Variants in TCF7L2 observed in about 807,000 individuals in gnomAD.
The protein encoded by TCF7L2 is transcription factor 7-like 2.
In TCF7L2, 23 loss-of-function variants were observed where a neutral mutation model predicts 77.9. The ratio of observed to expected loss-of-function variants is 0.30; its 90% confidence interval spans 0.21 to 0.42. The LOEUF is 0.42. Among genes scored for constraint, TCF7L2 ranks in the 10% least tolerant of loss-of-function variants. TCF7L2 has a pLI of 1.00. For synonymous variants in TCF7L2, 413 were observed against 340.2 expected (o/e 1.21, Z -2.36); for missense variants, 654 against 793.1 (o/e 0.82, Z 2.11).
At chr10:112,997,689 A>G (rs2043732853) in intron 4 of TCF7L2, among the ~76,000 whole-genome samples, 2 of 152,198 alleles carry the variant, frequency 1.3e-5, no homozygotes, top group Admixed American at 6.5e-5. Context: ...TGGTCTCATC[A>G]GCGATATTCG....
chr10:113,100,258 G>A (rs1216250704), intron 5 of TCF7L2, among the ~76,000 whole-genome samples: 1 of 152,222 alleles, frequency 6.6e-6, no homozygotes, highest in Non-Finnish European at 1.5e-5. Context: ...CAGGAAACAA[G>A]TTGCTTTTCA....
chr10:113,075,677 C>T (rs1408343064), intron 5 of TCF7L2, among the ~76,000 whole-genome samples: 1 of 152,092 alleles, frequency 6.6e-6, no homozygotes, highest in African/African-American at 2.4e-5. Context: ...GTCTGTGGTG[C>T]AGAGAATAGC....
At position 113,165,620 on chromosome 10, in the gene TCF7L2, A is replaced by T. The variant is rs771649690; in HGVS notation, c.1457A>T (p.Asp486Val). The stretch of plus-strand genomic sequence containing the variant: ...AGCTGCCTCAGCCCACCCTCTTCAG[A>T]TGGAAGCTTACTAGATTCGCCTCCC... The change falls in exon 14 of 14, where the codon GAT (aspartate) becomes GTT (valine). Residue 486 changes from aspartate (D) to valine (V), a missense_variant. This residue lies in a region of TCF7L2 where 272 missense variants were observed against 215.4 expected (regional missense o/e 1.26). Coordinates refer to ENST00000627217, the MANE Select transcript of TCF7L2 (RefSeq NM_001146274.2). 1 of 1,613,708 alleles carries T rather than the reference A, an allele frequency of 6.2e-7. No individual in the cohort carries two copies. Among genetic ancestry groups the T allele is most frequent in the East Asian group, 2.2e-5 (1 of 44,866 alleles).
chr10:113,152,473 T>G (rs2070950024), intron 11 of TCF7L2, 33 bp downstream of exon 11: 12 of 1,552,072 alleles, frequency 7.7e-6, no homozygotes, highest in Non-Finnish European at 1.1e-5. Context: ...GATTGGAGTC[T>G]GTAGAGCTGT....
intron 5 of TCF7L2, chr10:113,130,001 T>G (rs2066308711): frequency 3.4e-5 from 43 of 1,264,730 alleles, no homozygotes; most frequent in Non-Finnish European, 4.3e-5. Flanking sequence ...AGTAGTGGGG[T>G]GTGTGGTGTG....
At chr10:113,140,086 C>T (rs1189972875) in intron 5 of TCF7L2, among the ~76,000 whole-genome samples, 1 of 152,146 alleles carries the variant, frequency 6.6e-6, no homozygotes, top group Non-Finnish European at 1.5e-5. Context: ...GGTTAAATGT[C>T]CCTGTTGTAG....
chr10:112,997,522 A>G (rs928808370), intron 4 of TCF7L2, among the ~76,000 whole-genome samples: 1 of 152,222 alleles, frequency 6.6e-6, no homozygotes, highest in East Asian at 1.9e-4. Flanking sequence ...TCAGAAGCAG[A>G]AAGGGGGCCA....
chr10:113,102,783 G>A (rs1444307767), intron 5 of TCF7L2, among the ~76,000 whole-genome samples: 1 of 152,106 alleles, frequency 6.6e-6, no homozygotes, highest in African/African-American at 2.4e-5. Flanking sequence ...CCTCTTCTTA[G>A]TGGGAGTGGG....
intron 4 of TCF7L2, among the ~76,000 whole-genome samples, chr10:113,010,101 A>C (rs2133577379): frequency 6.6e-6 from 1 of 151,834 alleles, no homozygotes; most frequent in Admixed American, 6.6e-5. Flanking sequence ...GGGAACTTTG[A>C]GTTTTCCTGC....
intron 4 of TCF7L2, among the ~76,000 whole-genome samples, chr10:113,009,746 A>G (rs2046148659): frequency 6.6e-6 from 1 of 152,144 alleles, no homozygotes; most frequent in African/African-American, 2.4e-5. Context: ...TTCTCAATTC[A>G]TGTTCCTTAG....
chr10:113,150,166 T>C (rs1235651800), intron 8 of TCF7L2, among the ~76,000 whole-genome samples: 1 of 152,200 alleles, frequency 6.6e-6, no homozygotes, highest in Non-Finnish European at 1.5e-5. Flanking sequence ...ACTGTATCTT[T>C]CATTTATAAT....
chr10:113,046,508 A>G (rs1037169213), intron 5 of TCF7L2, among the ~76,000 whole-genome samples: 1 of 152,060 alleles, frequency 6.6e-6, no homozygotes, highest in Non-Finnish European at 1.5e-5. Flanking sequence ...TCCTTAATTC[A>G]TGTTTTGCTG....
chr10:113,119,632 C>T (rs1484260826), intron 5 of TCF7L2, among the ~76,000 whole-genome samples: 5 of 151,290 alleles, frequency 3.3e-5, no homozygotes, highest in Non-Finnish European at 7.4e-5. Context: ...TGTCTCCACC[C>T]CCAAAAGAAA....
chr10:113,161,829 GGA>G (rs780190979), intron 13 of TCF7L2, among the ~76,000 whole-genome samples: 1 of 152,202 alleles, frequency 6.6e-6, no homozygotes, highest in Non-Finnish European at 1.5e-5. Context: ...ACACATTAGA[GGA>G]GAGAGGGCCT....
chr10:113,012,419 C>T (rs2046616186), intron 4 of TCF7L2, among the ~76,000 whole-genome samples: 1 of 152,084 alleles, frequency 6.6e-6, no homozygotes, highest in African/African-American at 2.4e-5. Flanking sequence ...TGTTGAGTCT[C>T]TGTGGTGGGT....
intron 3 of TCF7L2, among the ~76,000 whole-genome samples, chr10:112,962,246 G>T (rs1268220637): frequency 6.6e-6 from 1 of 152,100 alleles, no homozygotes; most frequent in Non-Finnish European, 1.5e-5. Context: ...ATTGCCTAGG[G>T]GCTCTGCAGG....
intron 4 of TCF7L2, among the ~76,000 whole-genome samples, chr10:112,969,608 T>C (rs2037785838): frequency 6.6e-6 from 1 of 152,144 alleles, no homozygotes; most frequent in African/African-American, 2.4e-5. Flanking sequence ...ACAGGGCCAG[T>C]AGTTGTTAGG....
chr10:113,089,348 T>C (rs2060136471), intron 5 of TCF7L2: 1 of 1,577,458 alleles, frequency 6.3e-7, no homozygotes, highest in Non-Finnish European at 8.6e-7. Flanking sequence ...CTTGGTGACG[T>C]GTCCCCCTCG....
intron 5 of TCF7L2, among the ~76,000 whole-genome samples, chr10:113,085,254 G>A (rs1013462213): frequency 6.7e-6 from 1 of 148,798 alleles, no homozygotes; most frequent in Non-Finnish European, 1.5e-5. Context: ...ATTTTTAGTA[G>A]AGACGAGGTC....
Sources: allele counts gnomAD v4.1 joint callset (sites outside exome capture counted in the v4.1 genomes callset), GRCh38; gene constraint gnomAD v4.1.1; regional missense constraint gnomAD v4.1.1; transcripts MANE v1.5; gene names NCBI Gene and HGNC (gene_info 2026-07-23, HGNC 2026-07-21).